MYEF2: variants seen among roughly 807,000 people sequenced by gnomAD.
MYEF2 encodes the protein myelin gene expression factor 2.
MYEF2 carries 37 observed loss-of-function variants against 75.2 expected under a neutral mutation model. The observed-to-expected ratio is 0.49, with a 90% confidence interval of 0.38 to 0.65. The LOEUF is 0.65. Ranked by LOEUF, MYEF2 falls within the 30% of genes least tolerant of loss-of-function variation. MYEF2 has a pLI of 0.00. For synonymous variants in MYEF2, 195 were observed against 241.6 expected (o/e 0.81, Z 1.79); for missense variants, 634 against 771.4 (o/e 0.82, Z 2.11).
chr15:48,170,195 G>A (rs181650253), intron 1 of MYEF2, among the ~76,000 whole-genome samples: 2 of 151,620 alleles, frequency 1.3e-5, no homozygotes, highest in Admixed American at 6.6e-5. Flanking sequence ...GCAAGATCTC[G>A]GCTCACTGCA....
intron 11 of MYEF2, 24 bp from the exon 12 acceptor site, chr15:48,151,966 A>C: frequency 6.2e-7 from 1 of 1,607,084 alleles, no homozygotes; most frequent in South Asian, 1.1e-5. Flanking sequence ...ATTAATTTTG[A>C]GATCCAACTG....
At position 48,148,944 on chromosome 15, in the gene MYEF2, C is replaced by G. The variant is rs1192480686; in HGVS notation, c.1639+88G>C. ...ATCCAGGAATAGGCATCCGGACAGGCAAAGGTCTAAACACAGTGTATAAAA... is the reference window on the plus strand; with the variant it reads ...ATCCAGGAATAGGCATCCGGACAGGGAAAGGTCTAAACACAGTGTATAAAA... On this transcript the variant is annotated intron_variant, in intron 16 of 16. Coordinates refer to ENST00000324324, the MANE Select transcript of MYEF2 (RefSeq NM_016132.5). 9 of 1,364,980 alleles carry G rather than the reference C, an allele frequency of 6.6e-6. No individual in the cohort carries two copies. The South Asian group carries it at 1.1e-4, about 17-fold the overall frequency. The allele number at this position is 1,364,980 out of a possible 1,614,324, so 84.6% of individuals were successfully genotyped here. A position where few individuals can be genotyped will look rare whatever the true frequency, so the allele number is the denominator to read the frequency against.
chr15:48,157,791 T>C (rs2039758985), intron 9 of MYEF2: 6 of 1,317,060 alleles, frequency 4.6e-6, no homozygotes, highest in African/African-American at 1.5e-5. Flanking sequence ...CAGGAAAAGT[T>C]ACCAAAGAGA....
At chr15:48,177,279 C>CTAAA (rs1692933872) in intron 1 of MYEF2, among the ~76,000 whole-genome samples, 1 of 151,988 alleles carries the variant, frequency 6.6e-6, no homozygotes, top group African/African-American at 2.4e-5. Flanking sequence ...TTGGGGTCAA[C>CTAAA]TAAATTCTTT....
chr15:48,175,914 T>C (rs2140948671), intron 1 of MYEF2, among the ~76,000 whole-genome samples: 1 of 152,028 alleles, frequency 6.6e-6, no homozygotes, highest in South Asian at 2.1e-4. Context: ...TGTATATGAG[T>C]TTCATAAGCA....
chr15:48,159,098 C>T (rs909583312), intron 6 of MYEF2, among the ~76,000 whole-genome samples, 176 bp from the exon 7 acceptor site: 25 of 152,194 alleles, frequency 1.6e-4, no homozygotes, highest in African/African-American at 4.6e-4. Context: ...ATTTAAGCTA[C>T]GTCTACATTG....
intron 11 of MYEF2, 76 bp downstream of exon 11, chr15:48,152,158 T>C (rs1006401284): frequency 3.5e-6 from 5 of 1,412,428 alleles, no homozygotes; most frequent in Non-Finnish European, 5.0e-6. Flanking sequence ...TTTTTTTTCA[T>C]GGAATTCTCA....
At chr15:48,169,684 G>A (rs10467917) in intron 1 of MYEF2, among the ~76,000 whole-genome samples, 183 of 149,860 alleles carry the variant, frequency 1.2e-3, no homozygotes, top group African/African-American at 4.3e-3. Flanking sequence ...TGCAACCTCC[G>A]CCTCCCAGGT....
chr15:48,153,992 G>A, intron 9 of MYEF2, 99 bp from the exon 10 acceptor site: 1 of 904,940 alleles, frequency 1.1e-6, no homozygotes, highest in Non-Finnish European at 1.6e-6. Flanking sequence ...AGTAGTATCT[G>A]TAAAATTTCT....
intron 14 of MYEF2, 35 bp downstream of exon 14, chr15:48,151,065 A>T: frequency 6.8e-7 from 1 of 1,468,000 alleles, no homozygotes; most frequent in Non-Finnish European, 9.4e-7. Flanking sequence ...GCACTCAAAT[A>T]TTACTGAATA....
In MYEF2 at chr15:48,142,806, T is replaced by C. The variant is rs1420619735; in HGVS notation, c.*102A>G. The C allele has an allele frequency of 1.7e-6, 2 of 1,178,352 alleles. No individual in the cohort carries two copies. The highest frequency in any genetic ancestry group is 2.3e-6 in the Non-Finnish European group (2 of 855,278). The allele number at this position is 1,178,352 out of a possible 1,614,324, so 73.0% of individuals were successfully genotyped here. On this transcript the variant is annotated 3_prime_UTR_variant, in exon 17 of 17. Coordinates refer to ENST00000324324, the MANE Select transcript of MYEF2 (RefSeq NM_016132.5). ...AGCTGGTGGGAGTTTTAAAAGTTCATTTTTACAGCTTTTGTAAGCATACAA... is the reference window on the plus strand; with the variant it reads ...AGCTGGTGGGAGTTTTAAAAGTTCACTTTTACAGCTTTTGTAAGCATACAA...
In MYEF2 at chr15:48,167,326, A is replaced by G. The variant is rs745799173; in HGVS notation, c.423+23T>C. ...GCTGAGGAACTTTTAAACCTCAAGC[A>G]GATTATTGCCCACAGCACTTACCCT... On this transcript the variant is annotated intron_variant, in intron 3 of 16. Transcript: ENST00000324324. 4 of 1,611,634 alleles carry G rather than the reference A, an allele frequency of 2.5e-6. No homozygotes were observed. The African/African-American group carries it at 4.0e-5, about 16-fold the overall frequency.
rs188057107 is a variant in MYEF2, at chr15:48,139,580, C to A, written c.*3328G>T. The A allele has an allele frequency of 6.5e-6, 1 of 154,350 alleles. No individual in the cohort carries two copies. Among genetic ancestry groups the A allele is most frequent in the South Asian group, 1.9e-4 (1 of 5,134 alleles). The allele number at this position is 154,350 out of a possible 1,614,324, so 9.6% of individuals were successfully genotyped here. A position where few individuals can be genotyped will look rare whatever the true frequency, so the allele number is the denominator to read the frequency against. ...GCAAGGAGCTCTATTTTTGGGAAAA[C>A]AATGGGTGCTCACTGCTTAACTGGA... is the stretch of plus-strand genomic sequence containing the variant. On this transcript the variant is annotated 3_prime_UTR_variant, in exon 17 of 17. Transcript: ENST00000324324.
intron 16 of MYEF2, among the ~76,000 whole-genome samples, chr15:48,145,186 C>A (rs570260249): frequency 5.3e-5 from 8 of 151,864 alleles, no homozygotes; most frequent in Admixed American, 4.6e-4. Context: ...TGGACAGTAG[C>A]CCATAAATAT....
At chr15:48,165,420 T>C (rs1306516569) in intron 5 of MYEF2, among the ~76,000 whole-genome samples, 2 of 152,062 alleles carry the variant, frequency 1.3e-5, no homozygotes, top group African/African-American at 4.8e-5. Flanking sequence ...GACATTTCCA[T>C]TTTAGGGGAT....
intron 1 of MYEF2, among the ~76,000 whole-genome samples, chr15:48,176,898 G>C (rs1317786345): frequency 6.6e-6 from 1 of 152,124 alleles, no homozygotes; most frequent in African/African-American, 2.4e-5. Context: ...TCTCCTAGAA[G>C]ATGCTGCCGA....
At chr15:48,150,710 AG>A (rs1319992925) in intron 14 of MYEF2, among the ~76,000 whole-genome samples, 6 of 152,146 alleles carry the variant, frequency 3.9e-5, no homozygotes, top group African/African-American at 1.4e-4. Context: ...ATTTACCAAA[AG>A]ACATAGATGT....
Position 48,135,012 on chromosome 15 carries a change from A to G in MYEF2, c.*7896T>C. 3 of 1,528,244 alleles carry G rather than the reference A, an allele frequency of 2.0e-6. No homozygotes were observed. The highest frequency in any genetic ancestry group is 1.2e-5 in the South Asian group (1 of 84,528). The allele number at this position is 1,528,244 out of a possible 1,614,324, so 94.7% of individuals were successfully genotyped here. Reference sequence around the variant, plus strand: ...AAGCTTGAAAATAATTCTTATGTAAAAATTAGAGATTTTATGAATTTCTGA... The same window carrying G: ...AAGCTTGAAAATAATTCTTATGTAAGAATTAGAGATTTTATGAATTTCTGA... On this transcript the variant is annotated 3_prime_UTR_variant, in exon 17 of 17. Transcript: ENST00000324324.
chr15:48,144,221 C>T (rs1469699095), intron 16 of MYEF2, among the ~76,000 whole-genome samples: 1 of 152,020 alleles, frequency 6.6e-6, no homozygotes, highest in African/African-American at 2.4e-5. Context: ...CGAAAAACTG[C>T]ATAAGCCCTT....
Sources: gnomAD v4.1 joint callset for allele counts (sites outside exome capture counted in the v4.1 genomes callset) on GRCh38, gnomAD v4.1.1 for gene constraint, MANE v1.5 for transcripts, NCBI Gene and HGNC (gene_info 2026-07-23, HGNC 2026-07-21) for gene names.